LRP1B: variants seen among roughly 807,000 people sequenced by gnomAD.
LRP1B encodes LDL receptor related protein 1B.
A neutral mutation model predicts 556.6 loss-of-function variants in LRP1B; 217 were observed. The ratio of observed to expected loss-of-function variants is 0.39; its 90% CI spans 0.35 to 0.44. The LOEUF (loss-of-function observed/expected upper bound fraction) is 0.44, where lower values mean the gene tolerates loss of function less well. Among genes scored for constraint, LRP1B ranks in the 20% least tolerant of loss-of-function variants. The pLI is 1.00. For synonymous variants in LRP1B, 2,047 were observed against 1,865.8 expected (o/e 1.10, Z -2.50); for missense variants, 5,053 against 5,620.8 (o/e 0.90, Z 3.23).
chr2:140,485,130 T>G (rs868368942), intron 59 of LRP1B, among the ~76,000 whole-genome samples: 2 of 152,332 alleles, frequency 1.3e-5, no homozygotes, highest in Middle Eastern at 3.4e-3. Flanking sequence ...TGTTTAAAAC[T>G]TTAAAAAAAT....
intron 5 of LRP1B, 70 bp downstream of exon 5, chr2:141,247,156 T>C: frequency 6.4e-7 from 1 of 1,570,016 alleles, no homozygotes; most frequent in Non-Finnish European, 8.7e-7. Flanking sequence ...ACCACATCTC[T>C]AATGAAAAAG....
chr2:140,691,553 A>T (rs1686245950), intron 41 of LRP1B, among the ~76,000 whole-genome samples: 1 of 152,050 alleles, frequency 6.6e-6, no homozygotes, highest in African/African-American at 2.4e-5. Flanking sequence ...TAAAAATATT[A>T]TAAAGCTATT....
intron 50 of LRP1B, among the ~76,000 whole-genome samples, chr2:140,515,921 T>C (rs1244851968): frequency 1.3e-5 from 2 of 152,104 alleles, no homozygotes; most frequent in Non-Finnish European, 2.9e-5. Flanking sequence ...CCACAGTGTA[T>C]GTTATTTGTG....
intron 35 of LRP1B, among the ~76,000 whole-genome samples, chr2:140,742,962 G>C (rs1043525134): frequency 1.2e-4 from 18 of 151,934 alleles, no homozygotes; most frequent in African/African-American, 4.4e-4. Flanking sequence ...ATTACCACTG[G>C]GGGAATTTGG....
In LRP1B at chr2:141,341,773, A is replaced by G. The variant is rs558032286; in HGVS notation, c.344-87132T>C. Among the ~76,000 whole-genome samples the G allele has an allele frequency of 1.6e-4, 25 of 152,278 alleles. No homozygotes were observed. The South Asian group carries it at 5.2e-3, about 32-fold the overall frequency. On this transcript the variant is annotated intron_variant, in intron 3 of 90. Transcript: ENST00000389484. Reference sequence around the variant, plus strand: ...CTTTCCTCTTCTACTGCCATTTTTAAAAGATGTCAGCATCATAAGATGGAA... The same window carrying G: ...CTTTCCTCTTCTACTGCCATTTTTAGAAGATGTCAGCATCATAAGATGGAA...
chr2:141,297,519 T>G (rs1167867092), intron 3 of LRP1B, among the ~76,000 whole-genome samples: 5 of 152,128 alleles, frequency 3.3e-5, no homozygotes, highest in Admixed American at 6.6e-5. Flanking sequence ...CTGAACATAG[T>G]CTATAGTCAA....
chr2:140,837,732 T>C (rs1035035755), intron 31 of LRP1B, among the ~76,000 whole-genome samples: 3 of 149,910 alleles, frequency 2.0e-5, no homozygotes, highest in African/African-American at 5.0e-5. Flanking sequence ...TAGGTGGGAA[T>C]TGAACAATGA....
At chr2:141,224,087 C>T (rs1607919) in intron 6 of LRP1B, among the ~76,000 whole-genome samples, 42,031 of 151,822 alleles carry the variant, frequency 0.28, 6,462 homozygotes, top group Middle Eastern at 0.47. Flanking sequence ...ATCATTAGAG[C>T]AAACAGACAT....
At chr2:141,014,756 A>G (rs1242038729) in intron 13 of LRP1B, among the ~76,000 whole-genome samples, 1 of 152,092 alleles carries the variant, frequency 6.6e-6, no homozygotes, top group East Asian at 1.9e-4. Context: ...TTACATACCA[A>G]CATCTTCTAA....
chr2:141,837,831 C>A (rs1430090156), intron 1 of LRP1B, among the ~76,000 whole-genome samples: 2 of 152,072 alleles, frequency 1.3e-5, no homozygotes, highest in Non-Finnish European at 2.9e-5. Flanking sequence ...AACACATTAA[C>A]CTAAATGTTC....
intron 6 of LRP1B, among the ~76,000 whole-genome samples, chr2:141,191,256 C>G (rs1180058362): frequency 6.6e-6 from 1 of 151,840 alleles, no homozygotes; most frequent in Admixed American, 6.6e-5. Flanking sequence ...GTATTTTTCT[C>G]TTGTTAATCT....
intron 41 of LRP1B, among the ~76,000 whole-genome samples, chr2:140,698,980 G>A (rs1032641727): frequency 1.3e-5 from 2 of 151,970 alleles, no homozygotes; most frequent in Non-Finnish European, 2.9e-5. Flanking sequence ...GTAAGTACTG[G>A]GAAGCTGTCA....
intron 2 of LRP1B, among the ~76,000 whole-genome samples, chr2:141,540,660 A>AAT: frequency 6.6e-6 from 1 of 152,054 alleles, no homozygotes; most frequent in Non-Finnish European, 1.5e-5. Flanking sequence ...AAACTGTATA[A>AAT]CAAATGATTT....
Position 140,626,706 on chromosome 2 carries a change from A to G in LRP1B, c.6800-25067T>C, listed in dbSNP as rs1194457465. ...AAAAATTTAAAGCTTCCATTTAAAA[A>G]AAAAAAAAAAAGAGTAAATAAGGAT... On this transcript the variant is annotated intron_variant, in intron 41 of 90. Transcript: ENST00000389484. Among the ~76,000 whole-genome samples the G allele has an allele frequency of 1.9e-4, 9 of 46,210 alleles. No individual in the cohort carries two copies. The East Asian group carries it at 5.8e-3, about 30-fold the overall frequency. 30.3% of individuals were successfully genotyped at this position (46,210 alleles called of 152,430 possible).
At chr2:141,969,259 T>C (rs1032752579) in intron 1 of LRP1B, among the ~76,000 whole-genome samples, 2 of 151,592 alleles carry the variant, frequency 1.3e-5, no homozygotes, top group Non-Finnish European at 3.0e-5. Context: ...TTTTTTGTAG[T>C]GAGAACATTC....
At chr2:141,242,174 A>G (rs1364180195) in intron 5 of LRP1B, among the ~76,000 whole-genome samples, 1 of 152,084 alleles carries the variant, frequency 6.6e-6, no homozygotes, top group Non-Finnish European at 1.5e-5. Flanking sequence ...TCAGTGGCTG[A>G]TAAGAAGGTG....
chr2:141,370,533 T>C (rs531705094), intron 3 of LRP1B, among the ~76,000 whole-genome samples: 1 of 152,304 alleles, frequency 6.6e-6, no homozygotes, highest in South Asian at 2.1e-4. Flanking sequence ...GGGTTCTTCG[T>C]AAATCCTGGA....
intron 35 of LRP1B, among the ~76,000 whole-genome samples, chr2:140,732,849 T>G (rs1687823364): frequency 6.6e-6 from 1 of 152,158 alleles, no homozygotes; most frequent in Non-Finnish European, 1.5e-5. Context: ...GAAATTTTGA[T>G]TCAGTGAGAA....
chr2:140,665,994 AT>A (rs201186602), intron 41 of LRP1B, among the ~76,000 whole-genome samples: 8,510 of 144,166 alleles, frequency 0.059, 479 homozygotes, highest in African/African-American at 0.15. Flanking sequence ...AAAAAAAAAA[AT>A]TTTTTTTTTT....
Sources: gnomAD v4.1 joint callset for allele counts (sites outside exome capture counted in the v4.1 genomes callset) on GRCh38, gnomAD v4.1.1 for gene constraint, MANE v1.5 for transcripts, NCBI Gene and HGNC (gene_info 2026-07-23, HGNC 2026-07-21) for gene names.